The following CCR3 variants were observed in gnomAD, a reference collection of about 807,000 sequenced individuals.
CCR3 encodes the protein C-C chemokine receptor type 3.
For missense variants in CCR3, 419 were observed against 437.5 expected (o/e 0.96, Z 0.38); for synonymous variants, 203 against 179.2 (o/e 1.13, Z -1.06).
At chr3:46,229,044 T>C (rs1699933537) in intron 2 of CCR3, among the ~76,000 whole-genome samples, 1 of 152,224 alleles carries the variant, frequency 6.6e-6, no homozygotes, top group South Asian at 2.1e-4. Flanking sequence ...AGAGCTTTGA[T>C]AGCTTGTGGG....
chr3:46,241,613 C>A (rs745732953), upstream of CCR3, among the ~76,000 whole-genome samples: 16 of 152,144 alleles, frequency 1.1e-4, no homozygotes, highest in Non-Finnish European at 2.1e-4. Context: ...ACTTAAATAT[C>A]ATTATTTCCA....
At chr3:46,244,723 A>C (rs569741300) in intron 1 of CCR3, among the ~76,000 whole-genome samples, 2 of 152,218 alleles carry the variant, frequency 1.3e-5, no homozygotes, top group Non-Finnish European at 2.9e-5. Context: ...GGGCATTTTC[A>C]CTTCTTTTGT....
At chr3:46,226,376 T>C (rs1699895408) in intron 2 of CCR3, among the ~76,000 whole-genome samples, 1 of 152,202 alleles carries the variant, frequency 6.6e-6, no homozygotes, top group African/African-American at 2.4e-5. Flanking sequence ...TTTTGTAGTT[T>C]TCAGCATGCA....
chr3:46,235,308 T>C (rs1700011862), intron 2 of CCR3, among the ~76,000 whole-genome samples: 1 of 152,092 alleles, frequency 6.6e-6, no homozygotes, highest in Admixed American at 6.5e-5. Context: ...AAGTAGGCAA[T>C]AAATGCCACA....
chr3:46,236,287 C>T (rs1410679846), intron 2 of CCR3, among the ~76,000 whole-genome samples: 1 of 152,166 alleles, frequency 6.6e-6, no homozygotes, highest in Non-Finnish European at 1.5e-5. Flanking sequence ...ACCTTGTGCC[C>T]CTCATGATAG....
intron 2 of CCR3, among the ~76,000 whole-genome samples, chr3:46,235,001 C>T (rs764585096): frequency 6.6e-6 from 1 of 152,232 alleles, no homozygotes; most frequent in Non-Finnish European, 1.5e-5. Flanking sequence ...AAAGGGTCTA[C>T]ATCTGGCTTC....
chr3:46,265,001 T>TA, intron 1 of CCR3, 147 bp from the exon 2 acceptor site: 1 of 622,734 alleles, frequency 1.6e-6, no homozygotes, highest in Non-Finnish European at 2.8e-6. Context: ...GCACCTCTGA[T>TA]ATGCCTTTTG....
At chr3:46,240,896 G>A (rs555226940), upstream of CCR3, among the ~76,000 whole-genome samples, 1 of 152,290 alleles carries the variant, frequency 6.6e-6, no homozygotes, top group South Asian at 2.1e-4. Context: ...AGCAAAGTCT[G>A]AGATCTTACT....
At chr3:46,229,283 G>A (rs559783873) in intron 2 of CCR3, among the ~76,000 whole-genome samples, 17 of 152,256 alleles carry the variant, frequency 1.1e-4, no homozygotes, top group Non-Finnish European at 1.8e-4. Flanking sequence ...AATATGAAAG[G>A]TGCCTAGGAG....
At chr3:46,211,183 G>A (rs969817205) in intron 2 of CCR3, among the ~76,000 whole-genome samples, 4 of 150,866 alleles carry the variant, frequency 2.7e-5, no homozygotes, top group Middle Eastern at 3.2e-3. Context: ...TCTGGAATGG[G>A]GCCTGAGAAT....
At chr3:46,215,478 C>T (rs1379034063) in intron 2 of CCR3, among the ~76,000 whole-genome samples, 1 of 152,140 alleles carries the variant, frequency 6.6e-6, no homozygotes, top group African/African-American at 2.4e-5. Flanking sequence ...CTGGACCCTG[C>T]TGTTCAAAGT....
chr3:46,237,901 C>T (rs1476428151), upstream of CCR3, among the ~76,000 whole-genome samples: 1 of 152,134 alleles, frequency 6.6e-6, no homozygotes, highest in Non-Finnish European at 1.5e-5. Context: ...AATCCAGGTG[C>T]CTGATTTTGA....
At chr3:46,234,852 T>G (rs1256073216) in intron 2 of CCR3, among the ~76,000 whole-genome samples, 1 of 152,268 alleles carries the variant, frequency 6.6e-6, no homozygotes, top group East Asian at 1.9e-4. Flanking sequence ...TTTGGTTGTT[T>G]AAATCACTTC....
intron 1 of CCR3, among the ~76,000 whole-genome samples, chr3:46,242,978 T>TATATATATATATAC (rs1322626418): frequency 8.6e-5 from 7 of 81,356 alleles, no homozygotes; most frequent in Admixed American, 2.9e-4. Flanking sequence ...TATATATATA[T>TATATATATATATAC]ACACATATAT....
At chr3:46,262,851 C>T (rs559092291) in intron 1 of CCR3, among the ~76,000 whole-genome samples, 1 of 152,226 alleles carries the variant, frequency 6.6e-6, no homozygotes, top group African/African-American at 2.4e-5. Context: ...GATAGGATCT[C>T]ACTATATTGT....
chr3:46,214,513 C>T (rs1267629801), intron 2 of CCR3, among the ~76,000 whole-genome samples: 1 of 152,152 alleles, frequency 6.6e-6, no homozygotes, highest in Non-Finnish European at 1.5e-5. Flanking sequence ...ACTCAGGTTC[C>T]TCCCATCTTT....
At chr3:46,212,412 A>T (rs896740377) in intron 2 of CCR3, among the ~76,000 whole-genome samples, 1 of 152,030 alleles carries the variant, frequency 6.6e-6, no homozygotes, top group Non-Finnish European at 1.5e-5. Context: ...GTTTTGGGAG[A>T]TGTAAGAGGG....
At position 46,265,130 on chromosome 3, in the gene CCR3, T is replaced by G. The variant is rs765398499; in HGVS notation, c.-11-18T>G. On this transcript the variant is annotated intron_variant, in intron 1 of 1. Coordinates refer to ENST00000395940, the MANE Select transcript of CCR3 (RefSeq NM_178329.3). ...TTATGCTTCATTGTGGGATTGTATT[T>G]TTCTTCTTCTATCACAGGGAGAAGT... is the stretch of plus-strand genomic sequence containing the variant. 2 of 1,493,214 alleles carry G rather than the reference T, an allele frequency of 1.3e-6. No homozygotes were observed. The highest frequency in any genetic ancestry group is 1.8e-6 in the Non-Finnish European group (2 of 1,083,286). 92.5% of individuals were successfully genotyped at this position (1,493,214 alleles called of 1,614,324 possible).
intron 2 of CCR3, among the ~76,000 whole-genome samples, chr3:46,234,465 A>G (rs1360457710): frequency 6.6e-6 from 1 of 152,178 alleles, no homozygotes; most frequent in Non-Finnish European, 1.5e-5. Context: ...ATACCCTTTC[A>G]GAGTCCACTT....
Sources: gnomAD v4.1 joint callset for allele counts (sites outside exome capture counted in the v4.1 genomes callset) on GRCh38, gnomAD v4.1.1 for gene constraint, MANE v1.5 for transcripts, NCBI Gene and HGNC (gene_info 2026-07-23, HGNC 2026-07-21) for gene names.